The following FHOD3 variants were observed in gnomAD, a reference collection of about 807,000 sequenced individuals.
FHOD3 encodes the protein formin homology 2 domain containing 3.
FHOD3 carries 90 observed loss-of-function variants against 173.0 expected under a neutral mutation model. The observed-to-expected ratio is 0.52, with a 90% CI of 0.44 to 0.62. The LOEUF is 0.62. Among genes scored for constraint, FHOD3 ranks in the 20% least tolerant of loss-of-function variants. FHOD3 has a pLI of 0.00. For missense variants in FHOD3, 1,945 were observed against 2,034.7 expected, an observed-to-expected ratio of 0.96 and a Z score of 0.85; for synonymous variants, 828 against 823.0, an observed-to-expected ratio of 1.01 and a Z score of -0.10.
chr18:36,340,008 T>G (rs1598765326), intron 1 of FHOD3, among the ~76,000 whole-genome samples: 1 of 152,186 alleles, frequency 6.6e-6, no homozygotes, highest in Non-Finnish European at 1.5e-5. Flanking sequence ...TTCCCCTAGG[T>G]TTTTGCTTTC....
At chr18:36,450,502 C>A (rs1356610573) in intron 3 of FHOD3, among the ~76,000 whole-genome samples, 1 of 151,486 alleles carries the variant, frequency 6.6e-6, no homozygotes, top group East Asian at 1.9e-4. Flanking sequence ...TTAAAGAAAA[C>A]TCCCTGAGGC....
chr18:36,407,145 TC>T (rs1223786162), intron 3 of FHOD3, among the ~76,000 whole-genome samples: 2 of 152,170 alleles, frequency 1.3e-5, no homozygotes, highest in African/African-American at 2.4e-5. Context: ...CTACTCTAGT[TC>T]CCCTTTCCCC....
chr18:36,465,137 G>A (rs565226906), intron 3 of FHOD3, among the ~76,000 whole-genome samples: 5 of 152,250 alleles, frequency 3.3e-5, no homozygotes, highest in African/African-American at 9.6e-5. Context: ...AGACCAGCCT[G>A]GCCAACATGG....
chr18:36,683,604 A>C (rs959510452), intron 15 of FHOD3, among the ~76,000 whole-genome samples: 1 of 152,240 alleles, frequency 6.6e-6, no homozygotes, highest in Non-Finnish European at 1.5e-5. Context: ...CTAGAAGTGT[A>C]TGTCAAATCT....
intron 3 of FHOD3, among the ~76,000 whole-genome samples, chr18:36,419,721 A>G (rs984681471): frequency 1.2e-4 from 19 of 152,178 alleles, no homozygotes; most frequent in African/African-American, 4.6e-4. Context: ...AGTGTGTCTG[A>G]CAGACCTCAG....
At chr18:36,584,087 CA>C (rs1300969959) in intron 6 of FHOD3, among the ~76,000 whole-genome samples, 2 of 152,162 alleles carry the variant, frequency 1.3e-5, no homozygotes, top group Non-Finnish European at 2.9e-5. Context: ...CTTGGCCTCC[CA>C]AAGTGCTAAG....
intron 3 of FHOD3, among the ~76,000 whole-genome samples, chr18:36,408,755 A>G (rs1208833745): frequency 6.6e-6 from 1 of 152,122 alleles, no homozygotes; most frequent in Non-Finnish European, 1.5e-5. Context: ...GAGTATTCCC[A>G]TCAAGGGAAG....
intron 3 of FHOD3, among the ~76,000 whole-genome samples, chr18:36,493,427 G>A (rs867050415): frequency 7.9e-5 from 12 of 152,108 alleles, no homozygotes; most frequent in African/African-American, 1.2e-4. Context: ...CTGGGGGTTC[G>A]TTTGTCACGT....
At chr18:36,655,594 C>T (rs912442886) in intron 13 of FHOD3, among the ~76,000 whole-genome samples, 3 of 152,152 alleles carry the variant, frequency 2.0e-5, no homozygotes, top group Non-Finnish European at 4.4e-5. Context: ...GGATACTGTA[C>T]AAGTATTGTT....
intron 15 of FHOD3, among the ~76,000 whole-genome samples, chr18:36,681,935 C>T (rs578220593): frequency 6.6e-6 from 1 of 152,228 alleles, no homozygotes; most frequent in African/African-American, 2.4e-5. Flanking sequence ...TATCAGATGC[C>T]CAAAAAGAAA....
chr18:36,412,678 T>C (rs1382210634), intron 3 of FHOD3, among the ~76,000 whole-genome samples: 2 of 152,252 alleles, frequency 1.3e-5, no homozygotes, highest in African/African-American at 4.8e-5. Flanking sequence ...GTCATAATAC[T>C]TTTTGCTACA....
In FHOD3 at chr18:36,372,711, A is replaced by C. The variant is rs1568185357; in HGVS notation, c.304A>C (p.Thr102Pro). 1 of 1,613,996 alleles carries C rather than the reference A, an allele frequency of 6.2e-7. No individual in the cohort carries two copies. Among genetic ancestry groups the C allele is most frequent in the Non-Finnish European group, 8.5e-7 (1 of 1,179,962 alleles). The change falls in exon 3 of 29, where the codon ACG becomes CCG. Residue 102 changes from threonine to proline, a missense_variant. Thr to Pro is a conservative substitution (Grantham distance 38, BLOSUM62 -1). Transcript: ENST00000590592. The part of the protein sequence containing the change: ...RGKKHSIILR[T>P]QLSVRVHACI... ...CAAGAAGCACAGCATCATCCTAAGGACGCAGCTGTCTGTGAGGGTCCATGC... is the reference window on the plus strand; with the variant it reads ...CAAGAAGCACAGCATCATCCTAAGGCCGCAGCTGTCTGTGAGGGTCCATGC...
At chr18:36,709,063 G>C in intron 17 of FHOD3, 32 bp from the exon 18 acceptor site, 1 of 1,594,506 alleles carries the variant, frequency 6.3e-7, no homozygotes, top group Non-Finnish European at 8.6e-7. Flanking sequence ...GAAATCTGTC[G>C]TCAATATAAT....
intron 7 of FHOD3, among the ~76,000 whole-genome samples, chr18:36,598,864 A>T (rs2030915337): frequency 2.0e-5 from 3 of 152,230 alleles, no homozygotes; most frequent in South Asian, 4.1e-4. Flanking sequence ...AGGAAAATTT[A>T]AAATGTTCCA....
At chr18:36,386,658 G>A (rs920544523) in intron 3 of FHOD3, among the ~76,000 whole-genome samples, 3 of 152,220 alleles carry the variant, frequency 2.0e-5, no homozygotes, top group Non-Finnish European at 2.9e-5. Context: ...GCCCATGCCA[G>A]GCTCCTGGAG....
chr18:36,444,010 G>C (rs1284828603), intron 3 of FHOD3, among the ~76,000 whole-genome samples: 3 of 151,986 alleles, frequency 2.0e-5, no homozygotes, highest in East Asian at 3.9e-4. Context: ...TTGAGACCAT[G>C]GTGAAACCCC....
intron 10 of FHOD3, among the ~76,000 whole-genome samples, chr18:36,646,957 C>A (rs2035727291): frequency 6.6e-6 from 1 of 152,198 alleles, no homozygotes; most frequent in Non-Finnish European, 1.5e-5. Context: ...ACTTCTTCGG[C>A]CGGGTGCGGT....
chr18:36,527,912 C>T (rs1179477395), intron 5 of FHOD3, among the ~76,000 whole-genome samples: 7 of 152,200 alleles, frequency 4.6e-5, no homozygotes, highest in Non-Finnish European at 5.9e-5. Context: ...TACCCTTTGT[C>T]CTACCCTTTC....
chr18:36,461,642 G>T (rs540426438), intron 3 of FHOD3, among the ~76,000 whole-genome samples: 2 of 152,236 alleles, frequency 1.3e-5, no homozygotes, highest in Non-Finnish European at 2.9e-5. Flanking sequence ...GCTTTTGTGG[G>T]CTAGCCTGGG....
Sources: gnomAD v4.1 joint callset for allele counts (sites outside exome capture counted in the v4.1 genomes callset) on GRCh38, gnomAD v4.1.1 for gene constraint, MANE v1.5 for transcripts, NCBI Gene and HGNC (gene_info 2026-07-23, HGNC 2026-07-21) for gene names.